CDK8: variants seen among roughly 807,000 people sequenced by gnomAD.
The protein encoded by CDK8 is cyclin dependent kinase 8.
Under a neutral mutation model 71.5 loss-of-function variants are expected in CDK8, and 29 were observed. That is an observed-to-expected ratio of 0.41 (90% confidence interval 0.30 to 0.55). CDK8 has a LOEUF of 0.55. Among genes scored for constraint, CDK8 ranks in the 20% least tolerant of loss-of-function variants. The pLI, the probability that CDK8 is intolerant of heterozygous loss-of-function variation, is 0.37. For missense variants in CDK8, 288 were observed against 572.6 expected (o/e 0.50, Z 5.07); for synonymous variants, 161 against 192.1 (o/e 0.84, Z 1.34).
chr13:26,340,301 T>C (rs745779838), intron 2 of CDK8, among the ~76,000 whole-genome samples: 2 of 152,202 alleles, frequency 1.3e-5, no homozygotes, highest in Non-Finnish European at 2.9e-5. Context: ...AACTTACTGT[T>C]ACTGATTACT....
In CDK8 at chr13:26,372,165, A is replaced by G. The variant is rs371166012; in HGVS notation, c.457-10649A>G. 4.3e-4 allele frequency among the ~76,000 whole-genome samples: 65 copies of G among 152,350 alleles called. 2 individuals are homozygous for G. The East Asian group carries it at 9.8e-3, about 23-fold the overall frequency. On this transcript the variant is annotated intron_variant, in intron 4 of 12. Transcript: ENST00000381527. ...AGTCTGCATTAATCTCTCAGAACACAGTAATAGAAAACTAAAAATAAAATT... is the reference window on the plus strand; with the variant it reads ...AGTCTGCATTAATCTCTCAGAACACGGTAATAGAAAACTAAAAATAAAATT...
chr13:26,266,834 C>G (rs1394912633), intron 1 of CDK8, among the ~76,000 whole-genome samples: 1 of 152,098 alleles, frequency 6.6e-6, no homozygotes, highest in African/African-American at 2.4e-5. Context: ...GTACTCCATG[C>G]TATTCAGGAT....
chr13:26,351,263 G>T (rs920950848), intron 3 of CDK8, among the ~76,000 whole-genome samples: 22 of 151,930 alleles, frequency 1.4e-4, no homozygotes, highest in Admixed American at 1.3e-3. Context: ...AATTAGCATG[G>T]CTATGCTTTT....
At chr13:26,360,158 T>G (rs1282286264) in intron 4 of CDK8, among the ~76,000 whole-genome samples, 1 of 152,208 alleles carries the variant, frequency 6.6e-6, no homozygotes, top group Non-Finnish European at 1.5e-5. Flanking sequence ...AATTCTGTGA[T>G]AAATTAAAAA....
chr13:26,371,707 C>G (rs1329930233), intron 4 of CDK8, among the ~76,000 whole-genome samples: 3 of 152,094 alleles, frequency 2.0e-5, no homozygotes, highest in African/African-American at 7.2e-5. Flanking sequence ...CCTCCGCCTC[C>G]CGGGTTCAAG....
At chr13:26,255,018 C>CA (rs1871456725) in intron 1 of CDK8, among the ~76,000 whole-genome samples, 1 of 152,108 alleles carries the variant, frequency 6.6e-6, no homozygotes, top group Non-Finnish European at 1.5e-5. Context: ...GCACCGTGGG[C>CA]TGTATACTTT....
intron 1 of CDK8, among the ~76,000 whole-genome samples, chr13:26,335,341 C>T (rs1169222951): frequency 1.3e-5 from 2 of 152,184 alleles, no homozygotes; most frequent in African/African-American, 4.8e-5. Context: ...CACTAGACCT[C>T]TCTGCAGATT....
chr13:26,350,499 A>G (rs1873640349), intron 3 of CDK8, among the ~76,000 whole-genome samples: 1 of 152,166 alleles, frequency 6.6e-6, no homozygotes, highest in African/African-American at 2.4e-5. Context: ...AGCTGGGCTC[A>G]GTGGCACATG....
At chr13:26,346,804 C>T (rs1873477939) in intron 2 of CDK8, among the ~76,000 whole-genome samples, 1 of 152,138 alleles carries the variant, frequency 6.6e-6, no homozygotes, top group South Asian at 2.1e-4. Context: ...ATTATCACAC[C>T]AGAGAATAAT....
chr13:26,254,897 C>T lies in CDK8; in HGVS notation c.128+128C>T, dbSNP rs1871449486. Reference sequence around the variant, plus strand: ...ACTTCCTCGACGCCGGCCTCTGGCTCCGCCAGCCAGGTTTGGGGAGGAAGT... The same window carrying T: ...ACTTCCTCGACGCCGGCCTCTGGCTTCGCCAGCCAGGTTTGGGGAGGAAGT... On this transcript the variant is annotated intron_variant, in intron 1 of 12. Transcript: ENST00000381527. This position sits in a 1 kb window ranked among gnomAD's most constrained non-coding sequence, Gnocchi z 6.7. The T allele has an allele frequency of 2.1e-5, 28 of 1,344,410 alleles. No homozygotes were observed. In the South Asian group the frequency reaches 3.6e-4, roughly 17 times the overall value. The allele number at this position is 1,344,410 out of a possible 1,614,324, so 83.3% of individuals were successfully genotyped here. A position where few individuals can be genotyped will look rare whatever the true frequency, so the allele number is the denominator to read the frequency against.
intron 1 of CDK8, among the ~76,000 whole-genome samples, chr13:26,298,531 A>C (rs941217261): frequency 1.4e-4 from 22 of 152,308 alleles, no homozygotes; most frequent in South Asian, 8.3e-4. Context: ...AAAGGTTGAA[A>C]TTCCTCAGGT....
intron 2 of CDK8, among the ~76,000 whole-genome samples, chr13:26,347,681 A>G (rs186916514): frequency 2.6e-5 from 4 of 152,354 alleles, no homozygotes; most frequent in Admixed American, 1.3e-4. Flanking sequence ...AGCACATGAA[A>G]AGATGTTCGA....
intron 1 of CDK8, among the ~76,000 whole-genome samples, chr13:26,285,148 A>G (rs530608531): frequency 1.3e-5 from 2 of 152,326 alleles, no homozygotes; most frequent in South Asian, 4.1e-4. Context: ...CTGAGGCAGG[A>G]GAATCGCTTG....
At chr13:26,335,500 G>A (rs1872939475) in intron 1 of CDK8, among the ~76,000 whole-genome samples, 1 of 152,022 alleles carries the variant, frequency 6.6e-6, no homozygotes, top group Non-Finnish European at 1.5e-5. Flanking sequence ...TTGAGCTTTA[G>A]TGTTTATTCT....
chr13:26,343,324 C>A (rs1001108984), intron 2 of CDK8, among the ~76,000 whole-genome samples: 3 of 151,828 alleles, frequency 2.0e-5, no homozygotes, highest in African/African-American at 7.3e-5. Flanking sequence ...TAACACAATG[C>A]TAAATATTTG....
chr13:26,263,203 TC>T (rs1369344237), intron 1 of CDK8, among the ~76,000 whole-genome samples: 1 of 152,258 alleles, frequency 6.6e-6, no homozygotes, highest in African/African-American at 2.4e-5. Flanking sequence ...TGGCGCGATC[TC>T]CGCTCACTGC....
At chr13:26,341,045 G>A (rs1056788316) in intron 2 of CDK8, among the ~76,000 whole-genome samples, 4 of 152,166 alleles carry the variant, frequency 2.6e-5, no homozygotes, top group Admixed American at 2.0e-4. Flanking sequence ...CCACAAGGCT[G>A]CCTTATAGTT....
At chr13:26,391,101 T>C (rs1315252858) in intron 6 of CDK8, among the ~76,000 whole-genome samples, 3 of 151,842 alleles carry the variant, frequency 2.0e-5, no homozygotes, top group Non-Finnish European at 2.9e-5. Context: ...GAGTTAATGA[T>C]TAATGTATGG....
chr13:26,334,463 GTCTT>G (rs896817302), intron 1 of CDK8, among the ~76,000 whole-genome samples: 5 of 151,688 alleles, frequency 3.3e-5, no homozygotes, highest in African/African-American at 7.3e-5. Flanking sequence ...CCTTAACTTC[GTCTT>G]TCTTTCAGAA....
Sources: gnomAD v4.1 joint callset for allele counts (sites outside exome capture counted in the v4.1 genomes callset) on GRCh38, gnomAD v4.1.1 for gene constraint, Gnocchi (gnomAD v3.1) non-coding constraint, MANE v1.5 for transcripts, NCBI Gene and HGNC (gene_info 2026-07-23, HGNC 2026-07-21) for gene names.